DBF4B: variants seen among roughly 807,000 people sequenced by gnomAD.
The protein encoded by DBF4B is DBF4B-CDC7 kinase regulatory subunit, also known as protein DBF4 homolog B.
DBF4B carries 49 observed loss-of-function variants against 53.4 expected under a neutral mutation model. That is an observed-to-expected ratio of 0.92 (90% CI 0.73 to 1.16). DBF4B has a LOEUF of 1.16. Among genes scored for constraint, DBF4B ranks in the 50% most tolerant of loss-of-function variants. The pLI is 0.00. For missense variants in DBF4B, 692 were observed against 775.0 expected (o/e 0.89, Z 1.27); for synonymous variants, 257 against 288.7 (o/e 0.89, Z 1.11).
At chr17:44,739,640 G>A (rs1975794560) in intron 9 of DBF4B, among the ~76,000 whole-genome samples, 1 of 152,230 alleles carries the variant, frequency 6.6e-6, no homozygotes, top group Admixed American at 6.5e-5. Flanking sequence ...ACGGCTGAAA[G>A]GCACTGTTAC....
intron 3 of DBF4B, among the ~76,000 whole-genome samples, chr17:44,726,027 T>G (rs1443085933): frequency 6.6e-6 from 1 of 151,404 alleles, no homozygotes; most frequent in African/African-American, 2.4e-5. Flanking sequence ...CTTGCTCTTG[T>G]TGCCCAGGCT....
chr17:44,730,238 C>A, intron 4 of DBF4B, 142 bp downstream of exon 4: 1 of 989,346 alleles, frequency 1.0e-6, no homozygotes, highest in Non-Finnish European at 1.5e-6. Flanking sequence ...AATATTTTAT[C>A]ATAGCTCTGG....
At chr17:44,720,908 G>T (rs1973774531) in intron 2 of DBF4B, among the ~76,000 whole-genome samples, 1 of 150,784 alleles carries the variant, frequency 6.6e-6, no homozygotes, top group East Asian at 1.9e-4. Flanking sequence ...TCCCAGGCTT[G>T]AATGCAGTAG....
intron 2 of DBF4B, among the ~76,000 whole-genome samples, chr17:44,713,410 T>G (rs1023755105): frequency 6.6e-6 from 1 of 151,604 alleles, no homozygotes; most frequent in African/African-American, 2.4e-5. Context: ...CCCAGCACTT[T>G]GGGAGGCTGA....
chr17:44,747,798 C>A (rs1044273290), intron 12 of DBF4B, among the ~76,000 whole-genome samples: 4 of 152,160 alleles, frequency 2.6e-5, no homozygotes, highest in Admixed American at 6.6e-5. Flanking sequence ...GCAGTTCTGG[C>A]CAGGGAGCAG....
At chr17:44,720,165 G>A (rs1244033953) in intron 2 of DBF4B, 1 of 355,274 alleles carries the variant, frequency 2.8e-6, no homozygotes, top group East Asian at 8.6e-5. Flanking sequence ...GAATCGTCCT[G>A]GAGGTGATGC....
At chr17:44,718,252 G>A (rs988300161) in intron 2 of DBF4B, among the ~76,000 whole-genome samples, 4 of 151,682 alleles carry the variant, frequency 2.6e-5, no homozygotes, top group African/African-American at 9.7e-5. Context: ...CAACATGGCT[G>A]TCTCTACTAA....
rs978561824 is a variant in DBF4B at position 44,751,645 on chromosome 17, T to A, written c.*392T>A. On this transcript the variant is annotated 3_prime_UTR_variant, in exon 14 of 14. Transcript: ENST00000315005. ...GATTCAGTAAATCGACTTCAAATAC[T>A]TGAAGGCTCCCACCTTCTGTTCTCT... 9.4e-6 allele frequency: 13 copies of A among 1,381,188 alleles called. No individual in the cohort carries two copies. The highest frequency in any genetic ancestry group is 1.5e-5 in the African/African-American group (1 of 68,758). The allele number at this position is 1,381,188 out of a possible 1,614,324, so 85.6% of individuals were successfully genotyped here.
intron 4 of DBF4B, among the ~76,000 whole-genome samples, chr17:44,730,678 G>A (rs909584240): frequency 6.6e-6 from 1 of 152,182 alleles, no homozygotes; most frequent in African/African-American, 2.4e-5. Flanking sequence ...GACTCTTAAA[G>A]AGGGTCTCAG....
At chr17:44,716,481 T>C (rs995770862) in intron 2 of DBF4B, among the ~76,000 whole-genome samples, 1 of 152,172 alleles carries the variant, frequency 6.6e-6, no homozygotes, top group Non-Finnish European at 1.5e-5. Context: ...CTGTGCCCAA[T>C]GTTCCTCTAG....
intron 9 of DBF4B, among the ~76,000 whole-genome samples, 188 bp downstream of exon 9, chr17:44,738,612 C>T (rs1259845749): frequency 6.6e-6 from 1 of 152,218 alleles, no homozygotes; most frequent in African/African-American, 2.4e-5. Context: ...GGAGGAGCCT[C>T]AGAGTGGCAT....
chr17:44,726,726 TTAA>T lies in DBF4B; in HGVS notation c.226-3174_226-3172del, dbSNP rs1185330993. Among the ~76,000 whole-genome samples, 13 of 152,324 alleles carry T rather than the reference TTAA, an allele frequency of 8.5e-5. No individual in the cohort carries two copies. In the East Asian group the frequency reaches 1.9e-3, roughly 23 times the overall value. On this transcript the variant is annotated intron_variant, in intron 3 of 13. Coordinates refer to ENST00000315005, the MANE Select transcript of DBF4B (RefSeq NM_145663.3). ...TGTTGCTCTGTGGACATTTAGACTCTTAATAATTTTTAGCATTTAGAAATAACA... is the reference window on the plus strand; with the variant it reads ...TGTTGCTCTGTGGACATTTAGACTCTTAATTTTTAGCATTTAGAAATAACA...
intron 8 of DBF4B, 152 bp downstream of exon 8, chr17:44,737,018 T>C: frequency 1.0e-6 from 1 of 953,362 alleles, no homozygotes; most frequent in Non-Finnish European, 1.6e-6. Context: ...GGCCTGGTCC[T>C]CAGGTTTCTG....
In DBF4B at chr17:44,750,672, A is replaced by T. The variant is rs767693293; in HGVS notation, c.1267A>T (p.Thr423Ser). 3.7e-6 allele frequency: 6 copies of T among 1,614,052 alleles called. No homozygotes were observed. The South Asian group carries it at 5.5e-5, about 15-fold the overall frequency. Residue 423 changes from threonine (T) to serine (S), a missense_variant, in exon 14 of 14, where the codon ACA becomes TCA. This residue lies in a region of DBF4B where 597 missense variants were observed against 665.8 expected (regional missense o/e 0.90). Transcript: ENST00000315005. The stretch of plus-strand genomic sequence containing the variant: ...TGTGATGGGACCTCCTGCAAGTCAC[A>T]CATGTGTGAGTGCCACAACCCTCCT... Reference protein sequence around the residue: ...DGVMGPPASHTCVSATTLLPA... With the variant: ...DGVMGPPASHSCVSATTLLPA...
At chr17:44,710,976 A>ATTTTTTT (rs10522434) in intron 2 of DBF4B, among the ~76,000 whole-genome samples, 3 of 98,304 alleles carry the variant, frequency 3.1e-5, no homozygotes, top group Non-Finnish European at 3.8e-5. Context: ...TTCCAGTTTG[A>ATTTTTTT]TTTTTTTTTT....
chr17:44,749,917 C>G lies in DBF4B; in HGVS notation c.1190-678C>G. Reference sequence around the variant, plus strand: ...CCCCACGCTCCCGCACACAGATCCTCAGGAACATATGAAGCAGAGGAGGGG... The same window carrying G: ...CCCCACGCTCCCGCACACAGATCCTGAGGAACATATGAAGCAGAGGAGGGG... On this transcript the variant is annotated intron_variant, in intron 13 of 13. Coordinates refer to ENST00000315005, the MANE Select transcript of DBF4B (RefSeq NM_145663.3). This position sits in a 1 kb window ranked among gnomAD's most constrained non-coding sequence, Gnocchi z 4.4. 1 of 1,031,350 alleles carries G rather than the reference C, an allele frequency of 9.7e-7. No homozygotes were observed. The highest frequency in any genetic ancestry group is 1.2e-6 in the Non-Finnish European group (1 of 857,122). The allele number at this position is 1,031,350 out of a possible 1,614,324, so 63.9% of individuals were successfully genotyped here.
At chr17:44,726,175 G>A (rs1461246357) in intron 3 of DBF4B, among the ~76,000 whole-genome samples, 1 of 151,676 alleles carries the variant, frequency 6.6e-6, no homozygotes, top group Non-Finnish European at 1.5e-5. Context: ...TTTTAGTGGA[G>A]ACGGGGTTTC....
At chr17:44,744,730 C>T (rs1349991807) in intron 10 of DBF4B, among the ~76,000 whole-genome samples, 1 of 152,168 alleles carries the variant, frequency 6.6e-6, no homozygotes, top group Non-Finnish European at 1.5e-5. Flanking sequence ...CCCCTTGCCT[C>T]ATGCTGTGAC....
intron 8 of DBF4B, 24 bp downstream of exon 8, chr17:44,736,890 T>C: frequency 1.2e-6 from 2 of 1,613,354 alleles, no homozygotes; most frequent in Non-Finnish European, 1.7e-6. Context: ...CTTTTCCTCA[T>C]CTAATTGCAA....
Sources: gnomAD v4.1 joint callset for allele counts (sites outside exome capture counted in the v4.1 genomes callset) on GRCh38, gnomAD v4.1.1 for gene constraint, gnomAD v4.1.1 regional missense constraint, Gnocchi (gnomAD v3.1) non-coding constraint, MANE v1.5 for transcripts, NCBI Gene and HGNC (gene_info 2026-07-23, HGNC 2026-07-21) for gene names.